Variants in XIRP2 observed in about 807,000 individuals in gnomAD.
XIRP2 encodes xin actin-binding repeat-containing protein 2.
A neutral mutation model predicts 277.0 loss-of-function variants in XIRP2; 236 were observed. That is an observed-to-expected ratio of 0.85 (90% CI 0.77 to 0.95). XIRP2 has a LOEUF of 0.95. XIRP2 is among the 40% of genes least tolerant of loss of function. The pLI is 0.00. For missense variants in XIRP2, 4,640 were observed against 4,157.5 expected, an observed-to-expected ratio of 1.12 and a Z score of -3.19; for synonymous variants, 1,490 against 1,416.5, an observed-to-expected ratio of 1.05 and a Z score of -1.17.
At chr2:167,110,612 C>T (rs1056434833) in intron 2 of XIRP2, among the ~76,000 whole-genome samples, 1 of 152,102 alleles carries the variant, frequency 6.6e-6, no homozygotes, top group African/African-American at 2.4e-5. Flanking sequence ...AATGTGATGC[C>T]TCCAGCTTTG....
intron 8 of XIRP2, 43 bp downstream of exon 8, chr2:167,241,953 C>G: frequency 6.4e-7 from 1 of 1,551,200 alleles, no homozygotes. Flanking sequence ...AGTGTAAGAC[C>G]AAGCTTAAAT....
At chr2:166,997,032 A>G (rs1574145509) in intron 2 of XIRP2, among the ~76,000 whole-genome samples, 1 of 152,360 alleles carries the variant, frequency 6.6e-6, no homozygotes, top group African/African-American at 2.4e-5. Flanking sequence ...AGAAAAATGA[A>G]TAAGTTTTCT....
chr2:167,241,034 A>G (rs537417130), intron 7 of XIRP2, among the ~76,000 whole-genome samples: 2 of 152,306 alleles, frequency 1.3e-5, no homozygotes, highest in African/African-American at 4.8e-5. Flanking sequence ...AGTAAAACTT[A>G]ATGTTTATCA....
chr2:167,015,439 T>TATC (rs954127314), intron 2 of XIRP2, among the ~76,000 whole-genome samples: 1 of 151,310 alleles, frequency 6.6e-6, no homozygotes, highest in African/African-American at 2.4e-5. Context: ...TCTATCTATC[T>TATC]ATCTATCTAT....
At chr2:166,996,144 A>G (rs1018595930) in intron 2 of XIRP2, among the ~76,000 whole-genome samples, 1 of 152,172 alleles carries the variant, frequency 6.6e-6, no homozygotes, top group Non-Finnish European at 1.5e-5. Context: ...TCTTATATTT[A>G]GTCTTAGGAG....
At chr2:167,238,124 G>C (rs1434232000) in intron 5 of XIRP2, among the ~76,000 whole-genome samples, 1 of 152,164 alleles carries the variant, frequency 6.6e-6, no homozygotes, top group Non-Finnish European at 1.5e-5. Flanking sequence ...GTAGGTGTTT[G>C]AATAGAATTA....
At chr2:167,205,657 G>C (rs986029298) in intron 3 of XIRP2, among the ~76,000 whole-genome samples, 4 of 152,018 alleles carry the variant, frequency 2.6e-5, no homozygotes, top group Admixed American at 2.6e-4. Context: ...GCATAGTAAT[G>C]ATGACTTTTC....
chr2:167,210,838 G>T lies in XIRP2; in HGVS notation c.666G>T (p.Arg222=), dbSNP rs1694005104. The T allele has an allele frequency of 6.2e-7, 1 of 1,614,178 alleles. No individual in the cohort carries two copies. The highest frequency in any genetic ancestry group is 8.5e-7 in the Non-Finnish European group (1 of 1,180,016). The part of the protein sequence containing the change: ...DLHEVVSLKE[R]MARYQAAVSR... ...ACGAAGTGGTCTCCCTGAAGGAGCGGATGGCGAGGTACCAGGCAGCTGTTT... is the reference window on the plus strand; with the variant it reads ...ACGAAGTGGTCTCCCTGAAGGAGCGTATGGCGAGGTACCAGGCAGCTGTTT... The change falls in exon 4 of 11, where the codon CGG becomes CGT. Residue 222 remains arginine (R), a synonymous_variant. Coordinates refer to ENST00000409195, the MANE Select transcript of XIRP2 (RefSeq NM_152381.6).
intron 3 of XIRP2, among the ~76,000 whole-genome samples, chr2:167,186,897 AAACT>A (rs1320379304): frequency 6.6e-6 from 1 of 152,068 alleles, no homozygotes; most frequent in African/African-American, 2.4e-5. Context: ...CTTAAAAAAC[AAACT>A]AATGTTTTAC....
At chr2:167,018,242 G>A (rs1219328416) in intron 2 of XIRP2, among the ~76,000 whole-genome samples, 1 of 151,912 alleles carries the variant, frequency 6.6e-6, no homozygotes, top group Admixed American at 6.6e-5. Context: ...CATTTTCCCA[G>A]GTCACCTTAA....
At chr2:167,171,233 A>T (rs1460577055) in intron 3 of XIRP2, among the ~76,000 whole-genome samples, 1 of 152,146 alleles carries the variant, frequency 6.6e-6, no homozygotes, top group South Asian at 2.1e-4. Context: ...AGCGCTAAAA[A>T]TGTCTGGCTA....
chr2:167,123,179 C>A (rs953172359), intron 2 of XIRP2, among the ~76,000 whole-genome samples: 1 of 152,174 alleles, frequency 6.6e-6, no homozygotes, highest in Admixed American at 6.5e-5. Flanking sequence ...CACATGTGAG[C>A]TTTCCACTCA....
chr2:166,939,986 G>T (rs1396074148), intron 2 of XIRP2, among the ~76,000 whole-genome samples: 1 of 152,112 alleles, frequency 6.6e-6, no homozygotes, highest in Non-Finnish European at 1.5e-5. Context: ...GAATTTGAAT[G>T]TTGGTCTGCC....
At chr2:167,007,141 A>T (rs1481437733) in intron 2 of XIRP2, among the ~76,000 whole-genome samples, 1 of 151,698 alleles carries the variant, frequency 6.6e-6, no homozygotes, top group African/African-American at 2.4e-5. Flanking sequence ...CTCTAAAAGA[A>T]GTACCTAATT....
At chr2:166,957,816 C>A (rs895428660) in intron 2 of XIRP2, among the ~76,000 whole-genome samples, 1 of 151,762 alleles carries the variant, frequency 6.6e-6, no homozygotes, top group African/African-American at 2.4e-5. Context: ...TTGATTTTCA[C>A]GTTAATCATT....
At chr2:167,211,515 A>G (rs1694046903) in intron 4 of XIRP2, among the ~76,000 whole-genome samples, 1 of 152,242 alleles carries the variant, frequency 6.6e-6, no homozygotes, top group Non-Finnish European at 1.5e-5. Context: ...GTAAGCCATA[A>G]GGCGCTGTAT....
At chr2:167,146,427 A>G (rs1245791049) in intron 3 of XIRP2, among the ~76,000 whole-genome samples, 1 of 151,798 alleles carries the variant, frequency 6.6e-6, no homozygotes, top group Non-Finnish European at 1.5e-5. Context: ...CTTGAATCCA[A>G]GAGGCGGAGG....
chr2:167,015,511 T>C (rs1227270578), intron 2 of XIRP2, among the ~76,000 whole-genome samples: 1 of 151,810 alleles, frequency 6.6e-6, no homozygotes, highest in East Asian at 1.9e-4. Flanking sequence ...CTTTCATGCC[T>C]ATTTTACAGA....
chr2:167,194,333 A>C (rs769061572), intron 3 of XIRP2, among the ~76,000 whole-genome samples: 9 of 152,064 alleles, frequency 5.9e-5, no homozygotes, highest in Non-Finnish European at 8.8e-5. Flanking sequence ...CACCTGCCTC[A>C]GCCTCCCAAA....
Sources: allele counts gnomAD v4.1 joint callset (sites outside exome capture counted in the v4.1 genomes callset), GRCh38; gene constraint gnomAD v4.1.1; transcripts MANE v1.5; gene names NCBI Gene and HGNC (gene_info 2026-07-23, HGNC 2026-07-21).